AHR: variants seen among roughly 807,000 people sequenced by gnomAD.
AHR encodes the protein aryl hydrocarbon receptor.
A neutral mutation model predicts 86.8 loss-of-function variants in AHR; 40 were observed. The observed-to-expected ratio is 0.46, with a 90% confidence interval of 0.36 to 0.60. The LOEUF is 0.60. AHR is among the 20% of genes least tolerant of loss of function. The pLI is 0.00. For missense variants in AHR, 1,001 were observed against 1,011.6 expected (o/e 0.99, Z 0.14); for synonymous variants, 398 against 354.9 (o/e 1.12, Z -1.37).
chr7:17,316,906 A>G (rs1782120655), intron 2 of AHR, among the ~76,000 whole-genome samples: 1 of 152,082 alleles, frequency 6.6e-6, no homozygotes, highest in African/African-American at 2.4e-5. Context: ...GTGTTTTTTG[A>G]TAGACTTTAA....
At chr7:17,338,702 C>A (rs1479615909) in intron 9 of AHR, among the ~76,000 whole-genome samples, 1 of 152,108 alleles carries the variant, frequency 6.6e-6, no homozygotes. Flanking sequence ...TTATTCCACA[C>A]AAATTTATTA....
At chr7:17,318,952 T>C (rs1782142909) in intron 2 of AHR, among the ~76,000 whole-genome samples, 1 of 152,108 alleles carries the variant, frequency 6.6e-6, no homozygotes, top group Non-Finnish European at 1.5e-5. Flanking sequence ...TCATCCTCAT[T>C]GTCTTCATGT....
intron 2 of AHR, 92 bp from the exon 3 acceptor site, chr7:17,322,409 A>G: frequency 1.3e-6 from 1 of 785,144 alleles, no homozygotes; most frequent in South Asian, 1.7e-5. Flanking sequence ...CCAGTATTTC[A>G]AATTGTCTTT....
intron 10 of AHR, among the ~76,000 whole-genome samples, chr7:17,340,895 T>A (rs1290265406): frequency 6.6e-6 from 1 of 152,118 alleles, no homozygotes; most frequent in African/African-American, 2.4e-5. Flanking sequence ...GAAATCAAGC[T>A]TGATAGTGCA....
intron 10 of AHR, among the ~76,000 whole-genome samples, chr7:17,342,280 G>T (rs768441977): frequency 9.7e-4 from 147 of 151,960 alleles, no homozygotes; most frequent in Non-Finnish European, 1.1e-3. Context: ...AGCAGTTATA[G>T]AAACCAGATT....
chr7:17,332,341 T>C (rs1782305462), intron 6 of AHR, among the ~76,000 whole-genome samples: 1 of 151,878 alleles, frequency 6.6e-6, no homozygotes, highest in Non-Finnish European at 1.5e-5. Flanking sequence ...TAGAATAAGG[T>C]TAACTGTAAA....
At chr7:17,300,335 G>A (rs938038607) in intron 1 of AHR, among the ~76,000 whole-genome samples, 3 of 151,984 alleles carry the variant, frequency 2.0e-5, no homozygotes. Flanking sequence ...TCAAGTTTTC[G>A]TAAACAATTT....
chr7:17,332,140 T>C (rs1276222661), intron 6 of AHR, among the ~76,000 whole-genome samples: 1 of 151,904 alleles, frequency 6.6e-6, no homozygotes, highest in Non-Finnish European at 1.5e-5. Flanking sequence ...TGCTCACATG[T>C]TGATGGTGAT....
At chr7:17,328,512 C>T (rs982543334) in intron 4 of AHR, among the ~76,000 whole-genome samples, 17 of 151,990 alleles carry the variant, frequency 1.1e-4, no homozygotes, top group Admixed American at 9.8e-4. Context: ...TGAATGCTTG[C>T]TATTCTCATA....
intron 10 of AHR, among the ~76,000 whole-genome samples, chr7:17,340,568 G>T (rs1322581964): frequency 6.6e-6 from 1 of 151,890 alleles, no homozygotes; most frequent in Admixed American, 6.6e-5. Context: ...ATTCTTTCTG[G>T]ATTCTTTAAA....
intron 6 of AHR, among the ~76,000 whole-genome samples, chr7:17,332,304 T>C (rs1040025689): frequency 1.9e-4 from 29 of 152,052 alleles, no homozygotes; most frequent in African/African-American, 6.5e-4. Flanking sequence ...TATTATACTT[T>C]TAATTATTTT....
chr7:17,330,676 T>C lies in AHR; in HGVS notation c.575-80T>C, dbSNP rs544150728. 165 of 1,311,748 alleles carry C rather than the reference T, an allele frequency of 1.3e-4. 4 individuals are homozygous for C. The South Asian group carries it at 3.1e-3, about 25-fold the overall frequency. 81.3% of individuals were successfully genotyped at this position (1,311,748 alleles called of 1,614,324 possible). A position where few individuals can be genotyped will look rare whatever the true frequency, so the allele number is the denominator to read the frequency against. ...AGAACACAGACTCCAGTTTAGAAAC[T>C]AATACAAATTTTACCTATTCAAGTG... On this transcript the variant is annotated intron_variant, in intron 5 of 10. Coordinates refer to ENST00000242057, the MANE Select transcript of AHR (RefSeq NM_001621.5).
Position 17,316,332 on chromosome 7 carries a change from C to A in AHR, c.254-6169C>A, listed in dbSNP as rs1332593183. ...TAGCAGTGGGAGATTAAGAGGGAGA[C>A]AAATGTCTGGGCTCTGTGGCTCATG... On this transcript the variant is annotated intron_variant, in intron 2 of 10. Coordinates refer to ENST00000242057, the MANE Select transcript of AHR (RefSeq NM_001621.5). Among the ~76,000 whole-genome samples, 7 of 152,260 alleles carry A rather than the reference C, an allele frequency of 4.6e-5. No homozygotes were observed. In the East Asian group the frequency reaches 1.4e-3, roughly 29 times the overall value.
At chr7:17,336,881 A>T (rs961009958) in intron 9 of AHR, among the ~76,000 whole-genome samples, 1 of 151,548 alleles carries the variant, frequency 6.6e-6, no homozygotes, top group Non-Finnish European at 1.5e-5. Context: ...TATTTTATAC[A>T]TTTGTTTTCA....
At chr7:17,309,353 T>C (rs1265363804) in intron 1 of AHR, among the ~76,000 whole-genome samples, 1 of 152,252 alleles carries the variant, frequency 6.6e-6, no homozygotes, top group Non-Finnish European at 1.5e-5. Context: ...TTTATTCTTC[T>C]TTTAATATTT....
In AHR at chr7:17,344,655, A is replaced by T. The variant is rs1782463056; in HGVS notation, c.*1591A>T. ...TTTTTTTTTTTTTTTTTTGAGAGAG[A>T]GTCTTACTCTGCCGCCCAAACTGGA... On this transcript the variant is annotated 3_prime_UTR_variant, in exon 11 of 11. Coordinates refer to ENST00000242057, the MANE Select transcript of AHR (RefSeq NM_001621.5). 1 of 141,036 alleles carries T rather than the reference A, an allele frequency of 7.1e-6. No individual in the cohort carries two copies. The highest frequency in any genetic ancestry group is 7.2e-5 in the Admixed American group (1 of 13,822). 8.7% of individuals were successfully genotyped at this position (141,036 alleles called of 1,614,324 possible). A position where few individuals can be genotyped will look rare whatever the true frequency, so the allele number is the denominator to read the frequency against.
intron 6 of AHR, among the ~76,000 whole-genome samples, chr7:17,332,753 G>C (rs1782314004): frequency 6.6e-6 from 1 of 151,860 alleles, no homozygotes; most frequent in Non-Finnish European, 1.5e-5. Context: ...ATAAGCCACT[G>C]CACCTGGCCA....
At position 17,343,442 on chromosome 7, in the gene AHR, T is replaced by C. The variant is rs1042416532; in HGVS notation, c.*378T>C. On this transcript the variant is annotated 3_prime_UTR_variant, in exon 11 of 11. Coordinates refer to ENST00000242057, the MANE Select transcript of AHR (RefSeq NM_001621.5). The stretch of plus-strand genomic sequence containing the variant: ...AGTAAAAATAAAATACTTTGAGTTT[T>C]GAGCTACTGGATTCTTATTAGTTCC... 1.6e-5 allele frequency: 3 copies of C among 185,800 alleles called. No homozygotes were observed. Among genetic ancestry groups the C allele is most frequent in the East Asian group, 1.7e-4 (1 of 5,830 alleles). The allele number at this position is 185,800 out of a possible 1,614,324, so 11.5% of individuals were successfully genotyped here.
intron 3 of AHR, among the ~76,000 whole-genome samples, chr7:17,324,735 G>A (rs1253476368): frequency 6.6e-6 from 1 of 151,800 alleles, no homozygotes; most frequent in Non-Finnish European, 1.5e-5. Context: ...CCAGGAGGCA[G>A]TAGTTGCAGT....
Sources: gnomAD v4.1 joint callset for allele counts (sites outside exome capture counted in the v4.1 genomes callset) on GRCh38, gnomAD v4.1.1 for gene constraint, MANE v1.5 for transcripts, NCBI Gene and HGNC (gene_info 2026-07-23, HGNC 2026-07-21) for gene names.